The following CNTNAP2 variants were observed in gnomAD, a reference collection of about 807,000 sequenced individuals.
The protein encoded by CNTNAP2 is contactin-associated protein-like 2.
CNTNAP2 carries 98 observed loss-of-function variants against 155.2 expected under a neutral mutation model. The ratio of observed to expected loss-of-function variants is 0.63; its 90% CI spans 0.54 to 0.75. CNTNAP2 has a LOEUF of 0.75. Among genes scored for constraint, CNTNAP2 ranks in the 30% least tolerant of loss-of-function variants. The pLI, the probability that CNTNAP2 is intolerant of heterozygous loss-of-function variation, is 0.00. For synonymous variants in CNTNAP2, 651 were observed against 631.2 expected, an observed-to-expected ratio of 1.03 and a Z score of -0.47; for missense variants, 1,727 against 1,688.1, an observed-to-expected ratio of 1.02 and a Z score of -0.40.
chr7:147,413,894 C>T (rs959297194), intron 10 of CNTNAP2, among the ~76,000 whole-genome samples: 4 of 152,074 alleles, frequency 2.6e-5, no homozygotes, highest in African/African-American at 9.7e-5. Flanking sequence ...AACAGAAAAG[C>T]CTATTTTCTT....
intron 8 of CNTNAP2, among the ~76,000 whole-genome samples, chr7:147,199,456 A>G (rs1299963867): frequency 2.0e-5 from 3 of 152,262 alleles, no homozygotes; most frequent in Non-Finnish European, 4.4e-5. Context: ...TATGAAAGCT[A>G]AAACAGTATA....
intron 22 of CNTNAP2, among the ~76,000 whole-genome samples, chr7:148,405,149 T>C (rs533108462): frequency 4.4e-4 from 67 of 152,124 alleles, no homozygotes; most frequent in Non-Finnish European, 6.5e-4. Context: ...TTTCCCTGCC[T>C]CCTGTCCATA....
In CNTNAP2 at chr7:147,863,417, T is replaced by G. The variant is rs190578991; in HGVS notation, c.2099-40148T>G. 2.6e-5 allele frequency among the ~76,000 whole-genome samples: 4 copies of G among 152,332 alleles called. No homozygotes were observed. In the East Asian group the frequency reaches 7.7e-4, roughly 29 times the overall value. Reference sequence around the variant, plus strand: ...GTGTGCATGTGTCTTTACAGGAGCATGATTTATAATCCTTTTGGTATATAC... The same window carrying G: ...GTGTGCATGTGTCTTTACAGGAGCAGGATTTATAATCCTTTTGGTATATAC... On this transcript the variant is annotated intron_variant, in intron 13 of 23. Transcript: ENST00000361727.
At chr7:146,406,826 T>C (rs1795799004) in intron 1 of CNTNAP2, among the ~76,000 whole-genome samples, 1 of 152,208 alleles carries the variant, frequency 6.6e-6, no homozygotes, top group Admixed American at 6.5e-5. Flanking sequence ...TGAAGGGTCA[T>C]GGCTACACAT....
intron 8 of CNTNAP2, among the ~76,000 whole-genome samples, chr7:147,230,730 A>T (rs1173406780): frequency 6.6e-6 from 1 of 152,188 alleles, no homozygotes; most frequent in Non-Finnish European, 1.5e-5. Context: ...CCCTTGAACC[A>T]ACATCTCCTC....
chr7:148,251,159 GCCCAGGGGTCTCCAGGTGA>G (rs1398405985), intron 20 of CNTNAP2, among the ~76,000 whole-genome samples: 1 of 152,200 alleles, frequency 6.6e-6, no homozygotes, highest in Non-Finnish European at 1.5e-5. Context: ...CCAGCTGCAA[GCCCAGGGGTCTCCAGGTGA>G]CCCTCATTTA....
intron 8 of CNTNAP2, among the ~76,000 whole-genome samples, chr7:147,298,923 A>G (rs1794890016): frequency 6.6e-6 from 1 of 152,218 alleles, no homozygotes; most frequent in South Asian, 2.1e-4. Flanking sequence ...TTCAGCCACA[A>G]ACTGTGGTTT....
intron 8 of CNTNAP2, among the ~76,000 whole-genome samples, chr7:147,163,020 G>A (rs566142843): frequency 4.6e-5 from 7 of 152,220 alleles, no homozygotes; most frequent in African/African-American, 1.7e-4. Flanking sequence ...AGTGCCCTAG[G>A]CCAAATCTCA....
intron 1 of CNTNAP2, among the ~76,000 whole-genome samples, chr7:146,709,618 C>T (rs995917241): frequency 6.6e-6 from 1 of 152,120 alleles, no homozygotes; most frequent in Non-Finnish European, 1.5e-5. Flanking sequence ...AATTCAGAAG[C>T]ACAACATAAT....
intron 21 of CNTNAP2, among the ~76,000 whole-genome samples, chr7:148,317,262 G>A (rs1315977015): frequency 6.6e-6 from 1 of 152,210 alleles, no homozygotes; most frequent in Admixed American, 6.5e-5. Context: ...GACTGAGGCA[G>A]GAGAATTACT....
In CNTNAP2 at chr7:148,139,090, A is replaced by G. The variant is rs73744755; in HGVS notation, c.2555-8401A>G. Among the ~76,000 whole-genome samples the G allele has an allele frequency of 9.5e-3, 1,440 of 152,342 alleles. 24 individuals are homozygous for G. Among genetic ancestry groups the G allele is most frequent in the African/African-American group, 0.032 (1,328 of 41,580 alleles). Reference sequence around the variant, plus strand: ...ATAAAAAGCTTAAAGGCCAAAATACATAAAGAGAAATACTTCTTATACTCA... The same window carrying G: ...ATAAAAAGCTTAAAGGCCAAAATACGTAAAGAGAAATACTTCTTATACTCA... On this transcript the variant is annotated intron_variant, in intron 16 of 23. Transcript: ENST00000361727.
intron 13 of CNTNAP2, among the ~76,000 whole-genome samples, chr7:147,768,607 G>T (rs1797419834): frequency 6.6e-6 from 1 of 152,028 alleles, no homozygotes; most frequent in Non-Finnish European, 1.5e-5. Context: ...CTTTAAAGAT[G>T]ATTCATTTGA....
At chr7:147,864,625 C>G (rs1437478068) in intron 13 of CNTNAP2, among the ~76,000 whole-genome samples, 2 of 152,074 alleles carry the variant, frequency 1.3e-5, no homozygotes, top group Non-Finnish European at 2.9e-5. Flanking sequence ...TTGTAGTTCT[C>G]CTTGAAGAGG....
intron 13 of CNTNAP2, among the ~76,000 whole-genome samples, chr7:147,725,059 T>C (rs1329474190): frequency 2.6e-5 from 4 of 151,986 alleles, no homozygotes; most frequent in Non-Finnish European, 4.4e-5. Flanking sequence ...TGGTGTTGGA[T>C]TGTAGTCCCT....
At chr7:146,387,291 C>A (rs1211844892) in intron 1 of CNTNAP2, among the ~76,000 whole-genome samples, 1 of 152,112 alleles carries the variant, frequency 6.6e-6, no homozygotes, top group Non-Finnish European at 1.5e-5. Flanking sequence ...CTATTCAACC[C>A]AAAACCACCA....
intron 20 of CNTNAP2, among the ~76,000 whole-genome samples, chr7:148,241,008 G>A (rs62470459): frequency 0.26 from 38,771 of 151,994 alleles, 5,144 homozygotes; most frequent in Middle Eastern, 0.32. Context: ...GACTCAAATG[G>A]TAATCTCCTC....
At chr7:146,479,904 C>T (rs952195088) in intron 1 of CNTNAP2, among the ~76,000 whole-genome samples, 1 of 152,192 alleles carries the variant, frequency 6.6e-6, no homozygotes, top group African/African-American at 2.4e-5. Flanking sequence ...TCTGCCTCAT[C>T]CTCCAGAGTA....
At chr7:146,392,929 A>G in intron 1 of CNTNAP2, among the ~76,000 whole-genome samples, 1 of 152,120 alleles carries the variant, frequency 6.6e-6, no homozygotes, top group East Asian at 1.9e-4. Flanking sequence ...TTTGCAAAAT[A>G]TTTGAGATTT....
chr7:148,149,856 T>C (rs921677631), intron 17 of CNTNAP2, among the ~76,000 whole-genome samples: 1 of 152,078 alleles, frequency 6.6e-6, no homozygotes, highest in Non-Finnish European at 1.5e-5. Flanking sequence ...CTGGCCTGTG[T>C]TGTTTTAATT....
Sources: gnomAD v4.1 joint callset for allele counts (sites outside exome capture counted in the v4.1 genomes callset) on GRCh38, gnomAD v4.1.1 for gene constraint, MANE v1.5 for transcripts, NCBI Gene and HGNC (gene_info 2026-07-23, HGNC 2026-07-21) for gene names.